Variants in KIF13A observed in about 807,000 individuals in gnomAD.
KIF13A encodes kinesin-like protein KIF13A.
A neutral mutation model predicts 212.2 loss-of-function variants in KIF13A; 79 were observed. The observed-to-expected ratio is 0.37, with a 90% CI of 0.31 to 0.45. The LOEUF (loss-of-function observed/expected upper bound fraction) is 0.45, where lower values mean the gene tolerates loss of function less well. Among genes scored for constraint, KIF13A ranks in the 20% least tolerant of loss-of-function variants. KIF13A has a pLI of 1.00. For missense variants in KIF13A, 1,901 were observed against 2,209.0 expected (o/e 0.86, Z 2.79); for synonymous variants, 789 against 808.6 (o/e 0.98, Z 0.41).
At chr6:17,865,176 C>CAAAA (rs1304779357) in intron 4 of KIF13A, among the ~76,000 whole-genome samples, 5,313 of 152,242 alleles carry the variant, frequency 0.035, 314 homozygotes, top group African/African-American at 0.12. Context: ...CTGGCATATG[C>CAAAA]ACAGAGTATT....
At position 17,847,652 on chromosome 6, in the gene KIF13A, A is replaced by G. The variant is rs116719770; in HGVS notation, c.830+1725T>C. 5.8e-3 allele frequency among the ~76,000 whole-genome samples: 878 copies of G among 152,278 alleles called. 7 individuals carry two copies. The highest frequency in any genetic ancestry group is 0.02 in the African/African-American group (826 of 41,550). ...AAAGATTACAAGTACACACTAAACTACTTTCTGTTGAACTTGGAATCATGA... is the reference window on the plus strand; with the variant it reads ...AAAGATTACAAGTACACACTAAACTGCTTTCTGTTGAACTTGGAATCATGA... On this transcript the variant is annotated intron_variant, in intron 9 of 38. Coordinates refer to ENST00000259711, the MANE Select transcript of KIF13A (RefSeq NM_022113.6).
At chr6:17,945,545 G>A (rs1231995540) in intron 2 of KIF13A, among the ~76,000 whole-genome samples, 1 of 151,952 alleles carries the variant, frequency 6.6e-6, no homozygotes, top group Non-Finnish European at 1.5e-5. Context: ...TAAGTACCCA[G>A]ATACAAATCT....
intron 9 of KIF13A, among the ~76,000 whole-genome samples, chr6:17,845,878 T>A (rs1296185010): frequency 1.3e-5 from 2 of 152,114 alleles, no homozygotes; most frequent in Non-Finnish European, 2.9e-5. Flanking sequence ...AGACATGAAG[T>A]TCCTAAATCC....
chr6:17,833,303 G>A lies in KIF13A; in HGVS notation c.1266+658C>T, dbSNP rs551936287. 8.7e-5 allele frequency among the ~76,000 whole-genome samples: 13 copies of A among 148,940 alleles called. No homozygotes were observed. In the East Asian group the frequency reaches 1.2e-3, roughly 14 times the overall value. On this transcript the variant is annotated intron_variant, in intron 12 of 38. Transcript: ENST00000259711. ...TGAGCTCAGAGTTTGAGACCAGCCC[G>A]GGCAACAAAATAAGACCACAGCTCT...
intron 11 of KIF13A, among the ~76,000 whole-genome samples, chr6:17,835,544 T>C (rs2150378411): frequency 6.6e-6 from 1 of 152,322 alleles, no homozygotes; most frequent in South Asian, 2.1e-4. Context: ...CAGCAACATT[T>C]ATTGAGAACT....
rs559612662 is a variant in KIF13A, at chr6:17,849,188, C to T, written c.830+189G>A. On this transcript the variant is annotated intron_variant, in intron 9 of 38. Transcript: ENST00000259711. This position sits in a 1 kb window ranked among gnomAD's most constrained non-coding sequence, Gnocchi z 5.7. ...AAAGTACTGGGATTACAGGCATGAGCCACCGTGCCTGGCCAAAAACCTCAT... is the reference window on the plus strand; with the variant it reads ...AAAGTACTGGGATTACAGGCATGAGTCACCGTGCCTGGCCAAAAACCTCAT... Among the ~76,000 whole-genome samples the T allele has an allele frequency of 3.3e-5, 5 of 152,318 alleles. No individual in the cohort carries two copies. The East Asian group carries it at 5.8e-4, about 18-fold the overall frequency.
intron 2 of KIF13A, among the ~76,000 whole-genome samples, chr6:17,952,071 A>G (rs1231017726): frequency 6.6e-6 from 1 of 151,856 alleles, no homozygotes; most frequent in East Asian, 1.9e-4. Flanking sequence ...TGGGAGGCCG[A>G]GGTGGGCAGA....
chr6:17,817,271 C>T (rs753431385), intron 16 of KIF13A, 38 bp from the exon 17 acceptor site: 110 of 1,582,536 alleles, frequency 7.0e-5, no homozygotes, highest in South Asian at 1.7e-4. Flanking sequence ...GTCTTAGTGG[C>T]GGCTAAAACA....
chr6:17,789,230 T>A lies in KIF13A; in HGVS notation c.3261+642A>T, dbSNP rs1351178252. Reference sequence around the variant, plus strand: ...CAATCTCAATTTGCACATCTATATATTTTTTCTAGATTCCCAACCAGAAAA... The same window carrying A: ...CAATCTCAATTTGCACATCTATATAATTTTTCTAGATTCCCAACCAGAAAA... On this transcript the variant is annotated intron_variant, in intron 26 of 38. Coordinates refer to ENST00000259711, the MANE Select transcript of KIF13A (RefSeq NM_022113.6). This position sits in a 1 kb window ranked among gnomAD's most constrained non-coding sequence, Gnocchi z 4.8. 6.6e-6 allele frequency among the ~76,000 whole-genome samples: 1 copy of A among 152,200 alleles called. No homozygotes were observed. Among genetic ancestry groups the A allele is most frequent in the Non-Finnish European group, 1.5e-5 (1 of 68,036 alleles).
In KIF13A at chr6:17,783,770, C is replaced by T; in HGVS notation, c.3489-69G>A. The T allele has an allele frequency of 9.8e-7, 1 of 1,019,804 alleles. No homozygotes were observed. The highest frequency in any genetic ancestry group is 1.6e-5 in the African/African-American group (1 of 62,804). The allele number at this position is 1,019,804 out of a possible 1,614,324, so 63.2% of individuals were successfully genotyped here. A position where few individuals can be genotyped will look rare whatever the true frequency, so the allele number is the denominator to read the frequency against. On this transcript the variant is annotated intron_variant, in intron 28 of 38. Coordinates refer to ENST00000259711, the MANE Select transcript of KIF13A (RefSeq NM_022113.6). The surrounding 1 kb of genome is among the most constrained non-coding windows in gnomAD (Gnocchi z 4.3). ...TACATCTTGTTAGCTGATAAAACAC[C>T]ACAGAGCTGTGGAAGCAAAGAGAAC...
intron 2 of KIF13A, among the ~76,000 whole-genome samples, chr6:17,952,413 G>T (rs1015082946): frequency 6.6e-6 from 1 of 151,118 alleles, no homozygotes; most frequent in African/African-American, 2.4e-5. Flanking sequence ...TTGGGGGATC[G>T]CTTGAGGCCA....
intron 2 of KIF13A, among the ~76,000 whole-genome samples, chr6:17,938,500 T>A (rs1175778437): frequency 6.6e-6 from 1 of 152,198 alleles, no homozygotes; most frequent in Non-Finnish European, 1.5e-5. Flanking sequence ...CCCTCTCCAG[T>A]TGCCCAGTCT....
At chr6:17,877,404 C>G (rs929508751) in intron 3 of KIF13A, among the ~76,000 whole-genome samples, 1 of 152,268 alleles carries the variant, frequency 6.6e-6, no homozygotes, top group Admixed American at 6.5e-5. Context: ...AAGGGCTCTT[C>G]CAATGACTCT....
chr6:17,862,048 G>T (rs763985909), intron 4 of KIF13A, among the ~76,000 whole-genome samples: 5 of 152,078 alleles, frequency 3.3e-5, no homozygotes, highest in African/African-American at 7.2e-5. Context: ...ACAGGATCTC[G>T]CTTTGTGTCC....
intron 3 of KIF13A, among the ~76,000 whole-genome samples, chr6:17,890,034 CA>C (rs1771902099): frequency 6.6e-6 from 1 of 151,648 alleles, no homozygotes; most frequent in South Asian, 2.1e-4. Flanking sequence ...ACTAAAAACA[CA>C]AAATTAGCCA....
intron 4 of KIF13A, among the ~76,000 whole-genome samples, chr6:17,866,828 CATATATATATATATATATATATATATAT>C (rs60217235): frequency 4.4e-5 from 1 of 22,934 alleles, no homozygotes; most frequent in Admixed American, 3.7e-4. Flanking sequence ...AAAAGCAGCG[CATATATATATATATATATATATATATAT>C]ATATATATAT....
intron 2 of KIF13A, among the ~76,000 whole-genome samples, chr6:17,948,176 C>T (rs764921769): frequency 6.6e-6 from 1 of 152,184 alleles, no homozygotes. Context: ...TCTCCCTTGA[C>T]TGGTCTCAGA....
At chr6:17,788,827 C>T (rs1461097396) in intron 26 of KIF13A, among the ~76,000 whole-genome samples, 3 of 152,110 alleles carry the variant, frequency 2.0e-5, no homozygotes, top group Non-Finnish European at 2.9e-5. Flanking sequence ...TAGGTTTAAG[C>T]GATTCTCCTG....
intron 35 of KIF13A, 57 bp downstream of exon 35, chr6:17,774,958 C>T: frequency 1.4e-6 from 2 of 1,392,004 alleles, no homozygotes; most frequent in South Asian, 2.5e-5. Flanking sequence ...ACCAAGATCC[C>T]ACAACTTTCC....
Sources: gnomAD v4.1 joint callset for allele counts (sites outside exome capture counted in the v4.1 genomes callset) on GRCh38, gnomAD v4.1.1 for gene constraint, Gnocchi (gnomAD v3.1) non-coding constraint, MANE v1.5 for transcripts, NCBI Gene and HGNC (gene_info 2026-07-23, HGNC 2026-07-21) for gene names.